Variants in JAKMIP1 observed in about 807,000 individuals in gnomAD.
JAKMIP1 encodes janus kinase and microtubule-interacting protein 1.
JAKMIP1 carries 33 observed loss-of-function variants against 113.0 expected under a neutral mutation model. The observed-to-expected ratio is 0.29, with a 90% CI of 0.22 to 0.39. The LOEUF (loss-of-function observed/expected upper bound fraction) is 0.39. JAKMIP1 is among the 10% of genes least tolerant of loss of function. The pLI, the probability that JAKMIP1 is intolerant of heterozygous loss-of-function variation, is 1.00. For missense variants in JAKMIP1, 813 were observed against 1,080.5 expected (o/e 0.75, Z 3.47); for synonymous variants, 480 against 459.9 (o/e 1.04, Z -0.56).
chr4:6,039,525 G>T (rs1340174060), intron 18 of JAKMIP1, among the ~76,000 whole-genome samples: 1 of 152,172 alleles, frequency 6.6e-6, no homozygotes, highest in Admixed American at 6.5e-5. Context: ...GGCCCAGCCT[G>T]CAGGGTGTTT....
At chr4:6,191,246 C>A (rs549482908) in intron 1 of JAKMIP1, among the ~76,000 whole-genome samples, 2 of 152,328 alleles carry the variant, frequency 1.3e-5, no homozygotes, top group East Asian at 1.9e-4. Context: ...CCAGACAGCT[C>A]TACCCCTGCG....
intron 3 of JAKMIP1, 126 bp from the exon 4 acceptor site, chr4:6,085,755 C>T (rs1452802652): frequency 1.3e-6 from 1 of 761,824 alleles, no homozygotes; most frequent in South Asian, 1.7e-5. Flanking sequence ...CAACTGAATT[C>T]AGTAAACTCC....
chr4:6,035,561 G>A (rs1307771166), intron 19 of JAKMIP1, among the ~76,000 whole-genome samples: 1 of 152,104 alleles, frequency 6.6e-6, no homozygotes, highest in Non-Finnish European at 1.5e-5. Context: ...CATCACAAAA[G>A]GTAGCAAAAA....
At chr4:6,057,923 C>T (rs980420529) in intron 11 of JAKMIP1, among the ~76,000 whole-genome samples, 1 of 152,368 alleles carries the variant, frequency 6.6e-6, no homozygotes, top group Middle Eastern at 3.4e-3. Context: ...AGCTGGCAGT[C>T]TGTGCCCAGC....
rs4689323 is a variant in JAKMIP1, at chr4:6,067,798, G to A, written c.1303-2790C>T. Among the ~76,000 whole-genome samples, 3,480 of 59,548 alleles carry A rather than the reference G, an allele frequency of 0.058. 1 individual carries two copies. The highest frequency in any genetic ancestry group is 0.21 in the East Asian group (215 of 1,034). 39.1% of individuals were successfully genotyped at this position (59,548 alleles called of 152,430 possible). ...CGTTCACTCAAGCTCTTCTGCACAC[G>A]CAGGTCACCCCCCTGAGCTCCACGT... On this transcript the variant is annotated intron_variant, in intron 8 of 20. Coordinates refer to ENST00000409021, the MANE Select transcript of JAKMIP1 (RefSeq NM_001099433.2). This position sits in a 1 kb window ranked among gnomAD's most constrained non-coding sequence, Gnocchi z 4.6.
Position 6,178,357 on chromosome 4 carries a change from C to G in JAKMIP1, c.-148+21896G>C, listed in dbSNP as rs1271816139. On this transcript the variant is annotated intron_variant, in intron 1 of 20. Coordinates refer to ENST00000409021, the MANE Select transcript of JAKMIP1 (RefSeq NM_001099433.2). The surrounding 1 kb of genome is among the most constrained non-coding windows in gnomAD (Gnocchi z 5.5). The stretch of plus-strand genomic sequence containing the variant: ...TAATCCCCATGTGTGGTGGGAGGGA[C>G]CTCTCGGGAGGTAATTGAATCATGG... Among the ~76,000 whole-genome samples, 1 of 152,138 alleles carries G rather than the reference C, an allele frequency of 6.6e-6. No individual in the cohort carries two copies. Among genetic ancestry groups the G allele is most frequent in the African/African-American group, 2.4e-5 (1 of 41,436 alleles).
chr4:6,079,841 G>C (rs1431567521), intron 7 of JAKMIP1, among the ~76,000 whole-genome samples: 1 of 152,148 alleles, frequency 6.6e-6, no homozygotes, highest in Non-Finnish European at 1.5e-5. Context: ...GCCTTCTCTG[G>C]AACAGATCAT....
intron 1 of JAKMIP1, among the ~76,000 whole-genome samples, chr4:6,161,600 G>T (rs1277102796): frequency 6.6e-6 from 1 of 151,978 alleles, no homozygotes; most frequent in African/African-American, 2.4e-5. Flanking sequence ...TGGTGTACAA[G>T]CAAGGAGAAG....
At chr4:6,095,249 A>G (rs1207071955) in intron 3 of JAKMIP1, among the ~76,000 whole-genome samples, 1 of 149,292 alleles carries the variant, frequency 6.7e-6, no homozygotes, top group Admixed American at 6.6e-5. Flanking sequence ...GGAGCGAAGG[A>G]AAAAGGGAAG....
At position 6,135,296 on chromosome 4, in the gene JAKMIP1, C is replaced by T. The variant is rs562024272; in HGVS notation, c.-147-22299G>A. On this transcript the variant is annotated intron_variant, in intron 1 of 20. Coordinates refer to ENST00000409021, the MANE Select transcript of JAKMIP1 (RefSeq NM_001099433.2). This position sits in a 1 kb window ranked among gnomAD's most constrained non-coding sequence, Gnocchi z 4.9. ...CAAGATGACGGATGTCCTAACAATACGAGGAAAATAGGACACAGACACATA... is the reference window on the plus strand; with the variant it reads ...CAAGATGACGGATGTCCTAACAATATGAGGAAAATAGGACACAGACACATA... Among the ~76,000 whole-genome samples, 26 of 152,178 alleles carry T rather than the reference C, an allele frequency of 1.7e-4. No individual in the cohort carries two copies. The highest frequency in any genetic ancestry group is 5.3e-4 in the African/African-American group (22 of 41,518).
chr4:6,093,972 T>C lies in JAKMIP1; in HGVS notation c.625-8343A>G, dbSNP rs529344023. ...TCGGCTGGGCAGTCCCCAGATGTCC[T>C]GCCCTTCACCTCCCAAGCAGAGATC... On this transcript the variant is annotated intron_variant, in intron 3 of 20. Transcript: ENST00000409021. This position sits in a 1 kb window ranked among gnomAD's most constrained non-coding sequence, Gnocchi z 4.6. 3.9e-4 allele frequency among the ~76,000 whole-genome samples: 60 copies of C among 152,060 alleles called. No homozygotes were observed. Among genetic ancestry groups the C allele is most frequent in the African/African-American group, 1.4e-3 (58 of 41,496 alleles).
intron 16 of JAKMIP1, among the ~76,000 whole-genome samples, chr4:6,048,588 C>T (rs988435717): frequency 8.5e-5 from 13 of 152,282 alleles, no homozygotes; most frequent in East Asian, 5.8e-4. Context: ...AAACAATGGA[C>T]GCAGGGAAAC....
chr4:6,133,015 G>C (rs1321816866), intron 1 of JAKMIP1, among the ~76,000 whole-genome samples: 1 of 151,654 alleles, frequency 6.6e-6, no homozygotes, highest in East Asian at 1.9e-4. Context: ...AACCAAAAAA[G>C]CAAGCCTTAT....
In JAKMIP1 at chr4:6,105,542, G is replaced by T. The variant is rs559467587; in HGVS notation, c.555C>A (p.Ala185=). 22 of 1,606,884 alleles carry T rather than the reference G, an allele frequency of 1.4e-5. No individual in the cohort carries two copies. Among genetic ancestry groups the T allele is most frequent in the African/African-American group, 2.7e-5 (2 of 75,008 alleles). The stretch of plus-strand genomic sequence containing the variant: ...CCTCGTCTTGGTGCGCCTGGTAGGC[G>T]GCACGCAGGTCGGCTGCCTTGGTCT... ...ADKTKAADLR[A]AYQAHQDEVH... Residue 185 remains alanine, a synonymous_variant, in exon 3 of 21, where the codon GCC becomes GCA. Transcript: ENST00000409021.
Position 6,135,673 on chromosome 4 carries a change from A to C in JAKMIP1, c.-147-22676T>G, listed in dbSNP as rs1719125521. 6.6e-6 allele frequency among the ~76,000 whole-genome samples: 1 copy of C among 152,332 alleles called. No homozygotes were observed. The highest frequency in any genetic ancestry group is 2.1e-4 in the South Asian group (1 of 4,822). ...TGCATCAACCATACCACCCCCGCTG[A>C]GAAGTTGCTTCTTGCCCCATGTTAC... is the stretch of plus-strand genomic sequence containing the variant. On this transcript the variant is annotated intron_variant, in intron 1 of 20. Transcript: ENST00000409021. This position sits in a 1 kb window ranked among gnomAD's most constrained non-coding sequence, Gnocchi z 4.9.
In JAKMIP1 at chr4:6,106,521, C is replaced by T. The variant is rs559671018; in HGVS notation, c.130-554G>A. On this transcript the variant is annotated intron_variant, in intron 2 of 20. Coordinates refer to ENST00000409021, the MANE Select transcript of JAKMIP1 (RefSeq NM_001099433.2). The surrounding 1 kb of genome is among the most constrained non-coding windows in gnomAD (Gnocchi z 5.9). ...TCTTGGGAAGGAAGTAGCGTGCTCC[C>T]TCTCTTTCTCCCTCTCTCCTCTCTC... is the stretch of plus-strand genomic sequence containing the variant. Among the ~76,000 whole-genome samples the T allele has an allele frequency of 4.0e-5, 6 of 149,756 alleles. No individual in the cohort carries two copies. In the South Asian group the frequency reaches 6.4e-4, roughly 16 times the overall value.
In JAKMIP1 at chr4:6,059,816, G is replaced by A. The variant is rs144638204; in HGVS notation, c.1644+608C>T. Among the ~76,000 whole-genome samples, 3 of 152,136 alleles carry A rather than the reference G, an allele frequency of 2.0e-5. No individual in the cohort carries two copies. The highest frequency in any genetic ancestry group is 4.8e-5 in the African/African-American group (2 of 41,514). ...AGGAGGCCGACCCATACGAACCTTC[G>A]CATGCCACCCCGAGAGGCCAGATTT... On this transcript the variant is annotated intron_variant, in intron 11 of 20. Transcript: ENST00000409021. The surrounding 1 kb of genome is among the most constrained non-coding windows in gnomAD (Gnocchi z 4.8).
At chr4:6,122,799 G>C (rs1716896556) in intron 1 of JAKMIP1, among the ~76,000 whole-genome samples, 1 of 152,208 alleles carries the variant, frequency 6.6e-6, no homozygotes, top group African/African-American at 2.4e-5. Context: ...GAGTGACTGG[G>C]TGGATTCTTA....
rs1328459412 is a variant in JAKMIP1, at chr4:6,029,697, C to T, written c.2445+19G>A. The T allele has an allele frequency of 6.4e-7, 1 of 1,557,586 alleles. No individual in the cohort carries two copies. Among genetic ancestry groups the T allele is most frequent in the Non-Finnish European group, 8.8e-7 (1 of 1,137,008 alleles). On this transcript the variant is annotated intron_variant, in intron 20 of 20. Coordinates refer to ENST00000409021, the MANE Select transcript of JAKMIP1 (RefSeq NM_001099433.2). ...TCATGGAAAGAAACCTGGGGACAGT[C>T]TGAGCTGCAGTCACCTACCTTTTCC...
Sources: gnomAD v4.1 joint callset for allele counts (sites outside exome capture counted in the v4.1 genomes callset) on GRCh38, gnomAD v4.1.1 for gene constraint, Gnocchi (gnomAD v3.1) non-coding constraint, MANE v1.5 for transcripts, NCBI Gene and HGNC (gene_info 2026-07-23, HGNC 2026-07-21) for gene names.